RASAL2: variants seen among roughly 807,000 people sequenced by gnomAD.
The protein encoded by RASAL2 is RAS protein activator like 2.
A neutral mutation model predicts 128.9 loss-of-function variants in RASAL2; 58 were observed. The ratio of observed to expected loss-of-function variants is 0.45; its 90% CI spans 0.36 to 0.56. The LOEUF is 0.56. Ranked by LOEUF, RASAL2 falls within the 20% of genes least tolerant of loss-of-function variation. RASAL2 has a pLI of 0.00. For missense variants in RASAL2, 1,360 were observed against 1,601.6 expected, an observed-to-expected ratio of 0.85 and a Z score of 2.57; for synonymous variants, 561 against 580.8, an observed-to-expected ratio of 0.97 and a Z score of 0.49.
rs774015309 is a variant in RASAL2 at position 178,094,583 on chromosome 1, C to G, written c.91C>G (p.Pro31Ala). 3.1e-6 allele frequency: 5 copies of G among 1,608,468 alleles called. No homozygotes were observed. Among genetic ancestry groups the G allele is most frequent in the Non-Finnish European group, 2.5e-6 (3 of 1,177,704 alleles). The change falls in exon 1 of 18, where the codon CCG becomes GCG. Residue 31 changes from proline to alanine, a missense_variant. Pro to Ala is a conservative substitution (Grantham distance 27). Around this residue, in one of 3 missense-constraint regions of RASAL2, gnomAD observed 617 missense variants for 714.2 expected, o/e 0.86. Transcript: ENST00000367649. ...PALESDSPLP[P>A]EDLDAVVPVS... Reference sequence around the variant, plus strand: ...GCTGGAGTCCGACTCGCCGCTGCCCCCGGAGGACCTGGACGCGGTTGTCCC... The same window carrying G: ...GCTGGAGTCCGACTCGCCGCTGCCCGCGGAGGACCTGGACGCGGTTGTCCC...
chr1:178,345,381 G>A (rs761534133), intron 3 of RASAL2, among the ~76,000 whole-genome samples: 3 of 152,048 alleles, frequency 2.0e-5, no homozygotes, highest in Admixed American at 6.6e-5. Context: ...AGCAGGTGTC[G>A]TTCAGGATCA....
intron 1 of RASAL2, among the ~76,000 whole-genome samples, chr1:178,230,344 A>G (rs1369654754): frequency 6.6e-6 from 1 of 152,184 alleles, no homozygotes; most frequent in Non-Finnish European, 1.5e-5. Flanking sequence ...GGGCAGATGT[A>G]TGCTTAACTT....
In RASAL2 at chr1:178,094,115, T is replaced by C. The variant is rs1033532932; in HGVS notation, c.-378T>C. On this transcript the variant is annotated 5_prime_UTR_variant, in exon 1 of 18. Coordinates refer to ENST00000367649, the MANE Select transcript of RASAL2 (RefSeq NM_170692.4). ...CTCCATCCCCAGCCAGAGCCTGGTCTGACCGCGAGAGACGCCGGCGGGGCT... is the reference window on the plus strand; with the variant it reads ...CTCCATCCCCAGCCAGAGCCTGGTCCGACCGCGAGAGACGCCGGCGGGGCT... The C allele has an allele frequency of 4.0e-6, 1 of 251,426 alleles. No homozygotes were observed. Among genetic ancestry groups the C allele is most frequent in the Non-Finnish European group, 7.5e-6 (1 of 132,524 alleles). 15.6% of individuals were successfully genotyped at this position (251,426 alleles called of 1,614,324 possible). A position where few individuals can be genotyped will look rare whatever the true frequency, so the allele number is the denominator to read the frequency against.
intron 3 of RASAL2, among the ~76,000 whole-genome samples, chr1:178,348,805 GTT>G (rs35150239): frequency 2.8e-5 from 4 of 140,670 alleles, no homozygotes; most frequent in African/African-American, 2.6e-5. Context: ...TTTCTTTTTG[GTT>G]TTTTTTTTTT....
intron 3 of RASAL2, among the ~76,000 whole-genome samples, chr1:178,307,345 A>G (rs2102291310): frequency 6.6e-6 from 1 of 152,264 alleles, no homozygotes; most frequent in East Asian, 1.9e-4. Context: ...TGTCTAAAGT[A>G]CCCACTTCCA....
At chr1:178,290,466 T>A (rs1667227048) in intron 2 of RASAL2, among the ~76,000 whole-genome samples, 1 of 152,206 alleles carries the variant, frequency 6.6e-6, no homozygotes, top group East Asian at 1.9e-4. Context: ...CTTTATTTAT[T>A]GAGCACCTAT....
At chr1:178,120,937 T>G (rs1274403048) in intron 1 of RASAL2, 15 of 152,274 alleles carry the variant, frequency 9.9e-5, no homozygotes, top group African/African-American at 7.2e-5. Context: ...TCGCTTGCGC[T>G]TGCTTGCCTG....
intron 1 of RASAL2, among the ~76,000 whole-genome samples, chr1:178,193,134 G>A (rs1415574949): frequency 1.3e-5 from 2 of 152,124 alleles, no homozygotes; most frequent in Admixed American, 1.3e-4. Context: ...AAATTTTCAG[G>A]TTTTTCTGCC....
At chr1:178,451,828 A>C in intron 10 of RASAL2, 113 bp downstream of exon 10, 4 of 1,310,084 alleles carry the variant, frequency 3.1e-6, no homozygotes, top group Non-Finnish European at 4.2e-6. Context: ...TTTACAACCA[A>C]AGGGGAGGGT....
intron 17 of RASAL2, among the ~76,000 whole-genome samples, chr1:178,469,191 G>C (rs905061058): frequency 6.6e-5 from 10 of 152,138 alleles, no homozygotes; most frequent in African/African-American, 2.4e-4. Context: ...CAGCTGCTTG[G>C]GGGGCTGAGG....
intron 1 of RASAL2, among the ~76,000 whole-genome samples, chr1:178,242,022 T>A (rs1353835869): frequency 6.6e-6 from 1 of 152,196 alleles, no homozygotes; most frequent in Non-Finnish European, 1.5e-5. Flanking sequence ...CAGGTTTGTT[T>A]CTTGATTTAT....
At chr1:178,205,571 A>G (rs866687169) in intron 1 of RASAL2, among the ~76,000 whole-genome samples, 19 of 151,538 alleles carry the variant, frequency 1.3e-4, no homozygotes, top group African/African-American at 4.4e-4. Context: ...CCTGGCCAAC[A>G]TGGTGAAACC....
intron 3 of RASAL2, among the ~76,000 whole-genome samples, chr1:178,336,834 C>G (rs1669609968): frequency 1.3e-5 from 2 of 151,930 alleles, no homozygotes; most frequent in African/African-American, 2.4e-5. Flanking sequence ...ATTGTTTATT[C>G]ATGAATTTTT....
intron 4 of RASAL2, 64 bp from the exon 5 acceptor site, chr1:178,420,447 T>C: frequency 6.0e-6 from 6 of 994,876 alleles, no homozygotes; most frequent in Admixed American, 4.7e-5. Flanking sequence ...TTTGCAGAGA[T>C]AGTGTGGACG....
At chr1:178,214,300 A>G (rs1426153439) in intron 1 of RASAL2, among the ~76,000 whole-genome samples, 5 of 152,064 alleles carry the variant, frequency 3.3e-5, no homozygotes, top group Non-Finnish European at 7.4e-5. Context: ...TGAATGGATG[A>G]ATAAATAAAT....
At chr1:178,390,827 C>T (rs1672860223) in intron 4 of RASAL2, among the ~76,000 whole-genome samples, 1 of 151,764 alleles carries the variant, frequency 6.6e-6, no homozygotes, top group Non-Finnish European at 1.5e-5. Context: ...TATCAAGTTG[C>T]TAGCAAAAAC....
At chr1:178,374,201 A>G (rs1332006489) in intron 3 of RASAL2, among the ~76,000 whole-genome samples, 1 of 152,170 alleles carries the variant, frequency 6.6e-6, no homozygotes, top group Non-Finnish European at 1.5e-5. Flanking sequence ...GAACAAAACT[A>G]TCTGAGATGT....
At chr1:178,352,233 GT>G (rs1029177739) in intron 3 of RASAL2, among the ~76,000 whole-genome samples, 6 of 152,136 alleles carry the variant, frequency 3.9e-5, no homozygotes, top group African/African-American at 1.4e-4. Flanking sequence ...GATGTCTTTT[GT>G]TTTCAAAGTT....
At chr1:178,350,606 A>G (rs1296837408) in intron 3 of RASAL2, among the ~76,000 whole-genome samples, 2 of 152,168 alleles carry the variant, frequency 1.3e-5, no homozygotes, top group Non-Finnish European at 2.9e-5. Context: ...AAACAAACAT[A>G]TCAGCCAGAC....
Sources: allele counts gnomAD v4.1 joint callset (sites outside exome capture counted in the v4.1 genomes callset), GRCh38; gene constraint gnomAD v4.1.1; regional missense constraint gnomAD v4.1.1; transcripts MANE v1.5; gene names NCBI Gene and HGNC (gene_info 2026-07-23, HGNC 2026-07-21).